Variants in TTC3 observed in about 807,000 individuals in gnomAD.
TTC3 encodes the protein E3 ubiquitin-protein ligase TTC3.
Under a neutral mutation model 249.6 loss-of-function variants are expected in TTC3, and 180 were observed. That is an observed-to-expected ratio of 0.72 (90% confidence interval 0.64 to 0.82). The LOEUF (loss-of-function observed/expected upper bound fraction) is 0.82, where lower values mean the gene tolerates loss of function less well. Among genes scored for constraint, TTC3 ranks in the 40% least tolerant of loss-of-function variants. TTC3 has a pLI of 0.00. For missense variants in TTC3, 2,061 were observed against 2,398.4 expected (o/e 0.86, Z 2.94); for synonymous variants, 717 against 805.0 (o/e 0.89, Z 1.85).
intron 1 of TTC3, 118 bp downstream of exon 1, chr21:37,073,591 T>C: frequency 9.0e-6 from 7 of 775,306 alleles, no homozygotes; most frequent in Non-Finnish European, 1.1e-5. Flanking sequence ...CCCAGTGGGT[T>C]TGCCCCCTTG....
exon 33 of TTC3, chr21:37,166,086 T>C (rs766608502): frequency 3.2e-5 from 51 of 1,613,952 alleles, no homozygotes; most frequent in Admixed American, 6.7e-5. Flanking sequence ...TACAAGCGAG[T>C]CTCCTGTAAT....
chr21:37,095,284 T>C, intron 8 of TTC3, 66 bp from the exon 9 acceptor site: 2 of 961,162 alleles, frequency 2.1e-6, no homozygotes, highest in Non-Finnish European at 3.2e-6. Flanking sequence ...CCATTTTTAC[T>C]AGGTATTGGG....
intron 28 of TTC3, chr21:37,157,289 G>GCTATCCATTCTA: frequency 5.5e-6 from 5 of 902,116 alleles, no homozygotes; most frequent in Non-Finnish European, 7.9e-6. Flanking sequence ...AATCTAGAAT[G>GCTATCCATTCTA]GATAGCATTC....
intron 39 of TTC3, among the ~76,000 whole-genome samples, chr21:37,189,077 C>A (rs762022054): frequency 9.5e-6 from 1 of 105,060 alleles, no homozygotes; most frequent in Non-Finnish European, 1.9e-5. Context: ...CATTTCCATG[C>A]AGTAAAATTT....
At chr21:37,197,941 G>T (rs1161511907) in exon 44 of TTC3, 2 of 1,613,858 alleles carry the variant, frequency 1.2e-6, no homozygotes, top group African/African-American at 2.7e-5. Flanking sequence ...CCGTGACCAG[G>T]TCCTCCCAGG....
intron 1 of TTC3, among the ~76,000 whole-genome samples, chr21:37,073,813 G>C (rs2146830090): frequency 6.6e-6 from 1 of 152,262 alleles, no homozygotes; most frequent in East Asian, 1.9e-4. Flanking sequence ...CTTGCAGGTG[G>C]CCCCCCTTTG....
At chr21:37,161,316 C>A (rs73204043) in intron 30 of TTC3, among the ~76,000 whole-genome samples, 7,217 of 152,216 alleles carry the variant, frequency 0.047, 265 homozygotes, top group Non-Finnish European at 0.073. Flanking sequence ...CCTTCTCTCA[C>A]CCAGGCTGGA....
At chr21:37,114,862 A>G (rs1365892915) in intron 11 of TTC3, among the ~76,000 whole-genome samples, 2 of 152,132 alleles carry the variant, frequency 1.3e-5, no homozygotes, top group Non-Finnish European at 2.9e-5. Flanking sequence ...ATAAAAAATG[A>G]TGAGTTCATG....
In TTC3 at chr21:37,087,826, T is replaced by A. The variant is rs2072710209; in HGVS notation, c.145-7T>A. 1 of 1,586,840 alleles carries A rather than the reference T, an allele frequency of 6.3e-7. No homozygotes were observed. The highest frequency in any genetic ancestry group is 1.1e-5 in the South Asian group (1 of 88,256). ...GACACAAATCAAAATAATTTTCTTC[T>A]TTTTAGGGTGTGCAATATAAAGATT... On this transcript the variant is annotated splice_region_variant and splice_polypyrimidine_tract_variant and intron_variant, in intron 2 of 45. Transcript: ENST00000355666.
chr21:37,146,134 A>G (rs76352935), intron 21 of TTC3, among the ~76,000 whole-genome samples: 7,695 of 152,334 alleles, frequency 0.051, 286 homozygotes, highest in Middle Eastern at 0.075. Context: ...TCGTGAGCTG[A>G]TAAATGGGTA....
exon 33 of TTC3, chr21:37,166,023 A>C: frequency 6.2e-7 from 1 of 1,614,198 alleles, no homozygotes; most frequent in Non-Finnish European, 8.5e-7. Flanking sequence ...GAGGATGGGC[A>C]ACCCAAAGGG....
At chr21:37,126,281 T>C in intron 15 of TTC3, 138 bp downstream of exon 15, 1 of 566,946 alleles carries the variant, frequency 1.8e-6, no homozygotes, top group Non-Finnish European at 2.9e-6. Context: ...GTTAAGAAAA[T>C]ATTGAATATT....
At chr21:37,150,857 G>C in exon 25 of TTC3, 2 of 1,610,574 alleles carry the variant, frequency 1.2e-6, no homozygotes, top group Non-Finnish European at 1.7e-6. Flanking sequence ...GTTCCTCCAA[G>C]ACCTATTCTG....
At chr21:37,158,960 G>A (rs934354572) in intron 28 of TTC3, among the ~76,000 whole-genome samples, 18 of 151,520 alleles carry the variant, frequency 1.2e-4, no homozygotes, top group Admixed American at 1.1e-3. Flanking sequence ...CCCATTTTCC[G>A]TCTTCCTCTT....
chr21:37,074,801 G>A lies in TTC3; in HGVS notation c.-12+1437G>A, dbSNP rs77550490. On this transcript the variant is annotated intron_variant, in intron 1 of 45. Coordinates refer to ENST00000355666, the Ensembl canonical transcript of TTC3. ...TTCGTGCTCTGCGCTCAAGGGCTGC[G>A]TTTTGGTGTCTTTGTTCTGCCCAAT... Among the ~76,000 whole-genome samples, 139 of 152,290 alleles carry A rather than the reference G, an allele frequency of 9.1e-4. 1 individual carries two copies. The highest frequency in any genetic ancestry group is 3.2e-3 in the African/African-American group (132 of 41,556).
At chr21:37,077,158 A>G (rs1366228025) in intron 1 of TTC3, among the ~76,000 whole-genome samples, 2 of 151,890 alleles carry the variant, frequency 1.3e-5, no homozygotes, top group South Asian at 2.1e-4. Context: ...GGTAATAATT[A>G]TACATTTAAA....
intron 34 of TTC3, 81 bp from the exon 35 acceptor site, chr21:37,172,514 T>C: frequency 7.0e-7 from 1 of 1,435,442 alleles, no homozygotes; most frequent in South Asian, 1.5e-5. Flanking sequence ...CCTTTGTTTA[T>C]TTTAAGAAAC....
Position 37,152,032 on chromosome 21 carries a change from A to G in TTC3, c.2413+3A>G, listed in dbSNP as rs777562724. 1 of 1,574,948 alleles carries G rather than the reference A, an allele frequency of 6.3e-7. No individual in the cohort carries two copies. Among genetic ancestry groups the G allele is most frequent in the Admixed American group, 2.1e-5 (1 of 48,108 alleles). ...ACCCAAAAATGAAGAGCAGAAAGGT[A>G]TGCAGAAGCCAAAGGCATGATAAGA... On this transcript the variant is annotated splice_donor_region_variant and intron_variant, in intron 26 of 45. Transcript: ENST00000355666.
intron 10 of TTC3, among the ~76,000 whole-genome samples, chr21:37,103,193 GCAT>G (rs1015409232): frequency 6.6e-6 from 1 of 152,178 alleles, no homozygotes; most frequent in African/African-American, 2.4e-5. Context: ...TTCTTTACAA[GCAT>G]CATCTTTTAG....
Sources: allele counts gnomAD v4.1 joint callset (sites outside exome capture counted in the v4.1 genomes callset), GRCh38; gene constraint gnomAD v4.1.1; transcripts MANE v1.5; gene names NCBI Gene and HGNC (gene_info 2026-07-23, HGNC 2026-07-21).